The following AKAP4 variants were observed in gnomAD, a reference collection of about 807,000 sequenced individuals.
AKAP4 encodes A-kinase anchoring protein 4.
In AKAP4, 4 loss-of-function variants were observed where a neutral mutation model predicts 42.6. That is an observed-to-expected ratio of 0.09 (90% CI 0.05 to 0.22). The LOEUF (loss-of-function observed/expected upper bound fraction) is 0.22, where lower values mean the gene tolerates loss of function less well. Among genes scored for constraint, AKAP4 ranks in the 10% least tolerant of loss-of-function variants. The pLI is 1.00. For missense variants in AKAP4, 551 were observed against 630.7 expected (o/e 0.87, Z 1.35); for synonymous variants, 223 against 233.0 (o/e 0.96, Z 0.39).
At chrX:50,197,446 C>T in intron 3 of AKAP4, 98 bp downstream of exon 3, 1 of 746,940 alleles carries the variant, frequency 1.3e-6, no homozygotes, top group Non-Finnish European at 1.9e-6. Context: ...CTCCTCCTTT[C>T]CCCTCTCTCC....
At position 50,200,962 on chromosome X, in the gene AKAP4, T is replaced by C. The variant is rs782728029; in HGVS notation, c.-73A>G. On this transcript the variant is annotated 5_prime_UTR_variant, in exon 1 of 6. Coordinates refer to ENST00000358526, the MANE Select transcript of AKAP4 (RefSeq NM_003886.3). The stretch of plus-strand genomic sequence containing the variant: ...ACTCTTCCAGTCTGCCTCAAGATAC[T>C]GCTTTTTTCTTCAACTCTCCATGCC... 1 of 1,054,136 alleles carries C rather than the reference T, an allele frequency of 9.5e-7. No homozygotes were observed. The highest frequency in any genetic ancestry group is 1.3e-6 in the Non-Finnish European group (1 of 754,144). The allele number at this position is 1,054,136 out of a possible 1,213,427, so 86.9% of individuals were successfully genotyped here.
In AKAP4 at chrX:50,192,908, T is replaced by G. The variant is rs782820292; in HGVS notation, c.1805A>C (p.Glu602Ala). ...GGATGGTCCAGGGGCTCTGTGAGATTCTAGTTGTTTCACTGAAAGTGCTTT... is the reference window on the plus strand; with the variant it reads ...GGATGGTCCAGGGGCTCTGTGAGATGCTAGTTGTTTCACTGAAAGTGCTTT... ...SAKALSVKQLESHRAPGPSTC... is the reference protein window; with the variant it reads ...SAKALSVKQLASHRAPGPSTC... The change falls in exon 5 of 6, where the codon GAA becomes GCA. Residue 602 changes from glutamate to alanine, a missense_variant. By Grantham distance (107) the Glu-to-Ala change is moderately radical. Coordinates refer to ENST00000358526, the MANE Select transcript of AKAP4 (RefSeq NM_003886.3). 8.3e-7 allele frequency: 1 copy of G among 1,211,749 alleles called. No homozygotes were observed. Among genetic ancestry groups the G allele is most frequent in the African/African-American group, 1.7e-5 (1 of 57,775 alleles).
Position 50,192,502 on chromosome X carries a change from C to T in AKAP4, c.2211G>A (p.Arg737=), listed in dbSNP as rs530483931. The T allele has an allele frequency of 1.6e-4, 192 of 1,209,378 alleles. 1 individual carries two copies. The South Asian group carries it at 3.1e-3, about 20-fold the overall frequency. The change falls in exon 5 of 6, where the codon AGG becomes AGA. Residue 737 remains arginine (R), a synonymous_variant. Coordinates refer to ENST00000358526, the MANE Select transcript of AKAP4 (RefSeq NM_003886.3). ...CACCACTGTGAATGCATCTGGTGCC[C>T]CTGAAATTGGGCTTATTTGCCGAGG... ...QAASANKPNF[R]GTRCIHSGAM...
Position 50,193,626 on chromosome X carries a change from C to T in AKAP4, c.1087G>A (p.Ala363Thr). 8.3e-7 allele frequency: 1 copy of T among 1,211,716 alleles called. No individual in the cohort carries two copies. Among genetic ancestry groups the T allele is most frequent in the African/African-American group, 1.7e-5 (1 of 57,899 alleles). The change falls in exon 5 of 6, where the codon GCA (alanine) becomes ACA (threonine). Residue 363 changes from alanine (A) to threonine (T), a missense_variant. Ala to Thr is a moderately conservative substitution (Grantham distance 58). Transcript: ENST00000358526. ...AACACCCTCTTCAGGACCACAGATG[C>T]TGGAATTGGCTTCCCAGAGCTGTGC... ...KVHSSGKPIP[A>T]SVVLKRVLLR...
intron 1 of AKAP4, among the ~76,000 whole-genome samples, chrX:50,200,032 G>A (rs1236048613): frequency 9.7e-6 from 1 of 103,431 alleles, no homozygotes; most frequent in Non-Finnish European, 2.0e-5. Flanking sequence ...CTTCCTTCAG[G>A]AATCTCTGTG....
chrX:50,192,568 G>A lies in AKAP4; in HGVS notation c.2145C>T (p.Ser715=), dbSNP rs782053667. 8.3e-7 allele frequency: 1 copy of A among 1,211,541 alleles called. No homozygotes were observed. Among genetic ancestry groups the A allele is most frequent in the East Asian group, 3.0e-5 (1 of 33,816 alleles). ...ACTCAGCAAGGGCTGCCCCATCGTTGCTATACTTAGCCATGATAAGGCAGA... is the reference window on the plus strand; with the variant it reads ...ACTCAGCAAGGGCTGCCCCATCGTTACTATACTTAGCCATGATAAGGCAGA... ...MKLCLIMAKY[S]NDGAALAELE... is the part of the protein sequence containing the mutation. The change falls in exon 5 of 6, where the codon AGC becomes AGT. Residue 715 remains serine, a synonymous_variant. Coordinates refer to ENST00000358526, the MANE Select transcript of AKAP4 (RefSeq NM_003886.3).
intron 1 of AKAP4, 78 bp from the exon 2 acceptor site, chrX:50,198,830 T>C (rs1388327466): frequency 1.3e-6 from 1 of 768,741 alleles, no homozygotes. Flanking sequence ...TAAGAATCTC[T>C]GGAGGGGTTC....
Position 50,194,090 on chromosome X carries a change from G to C in AKAP4, c.623C>G (p.Pro208Arg). The C allele has an allele frequency of 2.5e-6, 3 of 1,211,647 alleles. No homozygotes were observed. The highest frequency in any genetic ancestry group is 3.4e-6 in the Non-Finnish European group (3 of 895,284). The change falls in exon 5 of 6, where the codon CCT (proline) becomes CGT (arginine). Residue 208 changes from proline (P) to arginine (R), a missense_variant. Physicochemically the swap from Pro to Arg is moderately radical, Grantham distance 103. Transcript: ENST00000358526. ...GTCATCTATAGAACATTCTCCATCA[G>C]GGGAAATGACTGCTCTCTGAGTGCT... ...PPSTQRAVISPDGECSIDDLS... is the reference protein window; with the variant it reads ...PPSTQRAVISRDGECSIDDLS...
chrX:50,191,212 C>G, intron 5 of AKAP4, 97 bp from the exon 6 acceptor site: 2 of 963,150 alleles, frequency 2.1e-6, no homozygotes, highest in Non-Finnish European at 2.9e-6. Flanking sequence ...CAACCCCTAA[C>G]CTCCTCACCC....
chrX:50,200,283 G>A, intron 1 of AKAP4: 2 of 754,078 alleles, frequency 2.7e-6, no homozygotes, highest in Non-Finnish European at 3.1e-6. Context: ...ACCCAGAAGG[G>A]AGATGTGCCC....
At chrX:50,195,693 C>T (rs1489612832) in intron 4 of AKAP4, among the ~76,000 whole-genome samples, 1 of 111,684 alleles carries the variant, frequency 9.0e-6, no homozygotes, top group African/African-American at 3.3e-5. Context: ...TACATCAATG[C>T]TTGTGTATGT....
intron 2 of AKAP4, among the ~76,000 whole-genome samples, chrX:50,198,109 T>C (rs1389621901): frequency 4.5e-5 from 5 of 111,981 alleles, no homozygotes; most frequent in Admixed American, 9.5e-5. Context: ...TTAGGGAGAA[T>C]ACATACTAGA....
At position 50,193,839 on chromosome X, in the gene AKAP4, C is replaced by T. The variant is rs995564146; in HGVS notation, c.874G>A (p.Glu292Lys). 2 of 1,211,740 alleles carry T rather than the reference C, an allele frequency of 1.7e-6. No individual in the cohort carries two copies. The highest frequency in any genetic ancestry group is 2.2e-6 in the Non-Finnish European group (2 of 895,497). The change falls in exon 5 of 6, where the codon GAG becomes AAG. Residue 292 changes from glutamate to lysine, a missense_variant. Glu to Lys is a moderately conservative substitution (Grantham distance 56, BLOSUM62 1). Transcript: ENST00000358526. ...CTTTTCTGGCCACCTTCCCTGGACTCCTCTCCAGTGCCACGCATTTCTGCA... is the reference window on the plus strand; with the variant it reads ...CTTTTCTGGCCACCTTCCCTGGACTTCTCTCCAGTGCCACGCATTTCTGCA... ...TAAEMRGTGE[E>K]SREGGQKSFL... is the part of the protein sequence containing the mutation.
In AKAP4 at chrX:50,198,727, C is replaced by T. The variant is rs782787477; in HGVS notation, c.53G>A (p.Arg18His). Residue 18 changes from arginine to histidine, a missense_variant, in exon 2 of 6, where the codon CGC becomes CAC. Physicochemically the swap from Arg to His is conservative, Grantham distance 29. Transcript: ENST00000358526. The part of the protein sequence containing the change: ...TMMSDDIDWL[R>H]SHRGVCKVDL... ...TACCTTGCACACACCCCTGTGGCTG[C>T]GTAACCAGTCAATATCATCAGACAT... is the stretch of plus-strand genomic sequence containing the variant. 5.8e-6 allele frequency: 7 copies of T among 1,205,814 alleles called. No individual in the cohort carries two copies. The highest frequency in any genetic ancestry group is 2.3e-4 in the Middle Eastern group (1 of 4,345).
intron 4 of AKAP4, among the ~76,000 whole-genome samples, chrX:50,194,793 CT>C (rs1935169358): frequency 9.0e-6 from 1 of 111,067 alleles, no homozygotes; most frequent in South Asian, 3.8e-4. Context: ...ATGTGCCATT[CT>C]GTATTGTTAG....
intron 4 of AKAP4, 108 bp from the exon 5 acceptor site, chrX:50,194,544 A>G: frequency 1.6e-6 from 1 of 615,254 alleles, no homozygotes; most frequent in Non-Finnish European, 2.4e-6. Context: ...TGGAGTTTGT[A>G]TGGGAACGTA....
rs782633108 is a variant in AKAP4 at position 50,193,729 on chromosome X, GGAATCTGCAAA to G, written c.973_983del (p.Phe325HisfsTer15). ...CATAAACCATGAGCCCCTTGCTGATGGAATCTGCAAATTCTTTGCTCTCTCTCTGGGACATC... is the reference window on the plus strand; with the variant it reads ...CATAAACCATGAGCCCCTTGCTGATGTTCTTTGCTCTCTCTCTGGGACATC... On this transcript the variant is annotated frameshift_variant, in exon 5 of 6. Coordinates refer to ENST00000358526, the MANE Select transcript of AKAP4 (RefSeq NM_003886.3). LOFTEE classifies it high-confidence loss of function. 8 of 1,210,269 alleles carry G rather than the reference GGAATCTGCAAA, an allele frequency of 6.6e-6. No individual in the cohort carries two copies. In the South Asian group the frequency reaches 1.4e-4, roughly 21 times the overall value.
In AKAP4 at chrX:50,193,854, G is replaced by A. The variant is rs782646030; in HGVS notation, c.859C>T (p.Arg287Cys). Reference sequence around the variant, plus strand: ...TCCCTGGACTCCTCTCCAGTGCCACGCATTTCTGCAGCTGTCAGTTCCACA... The same window carrying A: ...TCCCTGGACTCCTCTCCAGTGCCACACATTTCTGCAGCTGTCAGTTCCACA... Reference protein sequence around the residue: ...EAVELTAAEMRGTGEESREGG... With the variant: ...EAVELTAAEMCGTGEESREGG... The change falls in exon 5 of 6, where the codon CGT becomes TGT. Residue 287 changes from arginine to cysteine, a missense_variant. By Grantham distance (180) the Arg-to-Cys change is radical. Coordinates refer to ENST00000358526, the MANE Select transcript of AKAP4 (RefSeq NM_003886.3). 2.1e-5 allele frequency: 25 copies of A among 1,210,028 alleles called. No individual in the cohort carries two copies. Among genetic ancestry groups the A allele is most frequent in the South Asian group, 7.0e-5 (4 of 56,799 alleles).
intron 2 of AKAP4, 67 bp downstream of exon 2, chrX:50,198,590 C>T: frequency 1.2e-6 from 1 of 834,557 alleles, no homozygotes; most frequent in East Asian, 3.2e-5. Context: ...TTATCTTGGG[C>T]CCCAGGATAT....
Sources: gnomAD v4.1 joint callset for allele counts (sites outside exome capture counted in the v4.1 genomes callset) on GRCh38, gnomAD v4.1.1 for gene constraint, MANE v1.5 for transcripts, NCBI Gene and HGNC (gene_info 2026-07-23, HGNC 2026-07-21) for gene names.